Variants in GPC5 observed in about 807,000 individuals in gnomAD.
GPC5 encodes glypican 5, also known as glypican-5.
GPC5 carries 47 observed loss-of-function variants against 53.9 expected under a neutral mutation model. That is an observed-to-expected ratio of 0.87 (90% CI 0.69 to 1.11). GPC5 has a LOEUF of 1.11. Among genes scored for constraint, GPC5 ranks in the 50% most tolerant of loss-of-function variants. The pLI is 0.00. For missense variants in GPC5, 748 were observed against 713.1 expected (o/e 1.05, Z -0.56); for synonymous variants, 286 against 263.3 (o/e 1.09, Z -0.84).
chr13:91,484,704 G>A (rs931699918), intron 2 of GPC5, among the ~76,000 whole-genome samples: 1 of 152,156 alleles, frequency 6.6e-6, no homozygotes, highest in African/African-American at 2.4e-5. Context: ...TTGTTGGAAA[G>A]TTTATAACTT....
chr13:92,572,878 A>G (rs548121032), intron 7 of GPC5, among the ~76,000 whole-genome samples: 1 of 152,334 alleles, frequency 6.6e-6, no homozygotes, highest in Admixed American at 6.5e-5. Context: ...AAAACAAAAA[A>G]CAAAATGGTA....
chr13:91,399,349 G>A lies in GPC5; in HGVS notation c.163+140G>A. The A allele has an allele frequency of 2.9e-6, 3 of 1,025,590 alleles. No individual in the cohort carries two copies. In the South Asian group the frequency reaches 5.0e-5, roughly 17 times the overall value. The allele number at this position is 1,025,590 out of a possible 1,614,324, so 63.5% of individuals were successfully genotyped here. A position where few individuals can be genotyped will look rare whatever the true frequency, so the allele number is the denominator to read the frequency against. On this transcript the variant is annotated intron_variant, in intron 1 of 7. Transcript: ENST00000377067. ...CAGGGTGAATCCCGGGGAGGCTTCC[G>A]GGGATGCTTGGTGCGGGTAGCCTGA...
At chr13:91,857,199 C>T (rs2038976396) in intron 5 of GPC5, among the ~76,000 whole-genome samples, 1 of 151,320 alleles carries the variant, frequency 6.6e-6, no homozygotes, top group African/African-American at 2.4e-5. Context: ...CATGCTTCAT[C>T]ATGATTTTTA....
intron 5 of GPC5, among the ~76,000 whole-genome samples, chr13:91,883,596 C>T (rs183819101): frequency 6.6e-6 from 1 of 152,192 alleles, no homozygotes; most frequent in Admixed American, 6.5e-5. Flanking sequence ...TGGACTTATT[C>T]TTAGAACAGC....
chr13:92,531,506 GA>G (rs1881562925), intron 7 of GPC5, among the ~76,000 whole-genome samples: 1 of 151,668 alleles, frequency 6.6e-6, no homozygotes, highest in Non-Finnish European at 1.5e-5. Flanking sequence ...TGTTTATACA[GA>G]TATATATGTA....
At chr13:91,643,044 T>C (rs768466646) in intron 2 of GPC5, among the ~76,000 whole-genome samples, 2 of 152,118 alleles carry the variant, frequency 1.3e-5, no homozygotes, top group Non-Finnish European at 2.9e-5. Context: ...CTCCACTTCT[T>C]ATGGTGTTCG....
chr13:92,254,282 T>G (rs998859812), intron 7 of GPC5, among the ~76,000 whole-genome samples: 1 of 152,144 alleles, frequency 6.6e-6, no homozygotes, highest in East Asian at 1.9e-4. Flanking sequence ...GCACTGACAT[T>G]TAAATAATTA....
intron 7 of GPC5, among the ~76,000 whole-genome samples, chr13:92,146,454 T>TG (rs1366989757): frequency 1.3e-5 from 2 of 152,090 alleles, no homozygotes; most frequent in East Asian, 3.9e-4. Flanking sequence ...TAGTTTTCTG[T>TG]GAAAAAAATA....
At chr13:92,177,096 G>A (rs542293090) in intron 7 of GPC5, among the ~76,000 whole-genome samples, 84 of 152,112 alleles carry the variant, frequency 5.5e-4, no homozygotes, top group Admixed American at 3.9e-3. Context: ...TTGGATACCC[G>A]TTGTTGTCAC....
intron 2 of GPC5, among the ~76,000 whole-genome samples, chr13:91,504,834 G>T (rs1048168503): frequency 2.6e-5 from 4 of 152,048 alleles, no homozygotes; most frequent in African/African-American, 9.7e-5. Flanking sequence ...TGCACCTGTA[G>T]TCCCAACTAC....
At chr13:91,683,672 A>C (rs1018028700) in intron 2 of GPC5, among the ~76,000 whole-genome samples, 6 of 152,046 alleles carry the variant, frequency 3.9e-5, no homozygotes, top group Non-Finnish European at 8.8e-5. Flanking sequence ...ACATCCACTT[A>C]TTTATCCAAT....
At chr13:92,641,106 G>A (rs981396358) in intron 7 of GPC5, among the ~76,000 whole-genome samples, 2 of 152,148 alleles carry the variant, frequency 1.3e-5, no homozygotes, top group Non-Finnish European at 2.9e-5. Flanking sequence ...CTGCTTGCAT[G>A]TTCTCAAAGT....
At chr13:92,654,050 A>C (rs1054369869) in intron 7 of GPC5, among the ~76,000 whole-genome samples, 1 of 152,238 alleles carries the variant, frequency 6.6e-6, no homozygotes. Flanking sequence ...GCACAGAGTC[A>C]GTACTAAATA....
At chr13:91,718,235 G>C (rs1363907876) in intron 3 of GPC5, among the ~76,000 whole-genome samples, 2 of 151,888 alleles carry the variant, frequency 1.3e-5, no homozygotes, top group East Asian at 3.9e-4. Context: ...CTCAGCCTCT[G>C]GAGTAGCTGG....
intron 7 of GPC5, among the ~76,000 whole-genome samples, chr13:92,355,674 C>T (rs972082557): frequency 2.0e-5 from 3 of 152,186 alleles, no homozygotes; most frequent in Admixed American, 2.0e-4. Flanking sequence ...ATTCAACATG[C>T]TGACTTCTTT....
At chr13:92,019,848 T>C (rs2040742086) in intron 6 of GPC5, among the ~76,000 whole-genome samples, 1 of 152,140 alleles carries the variant, frequency 6.6e-6, no homozygotes, top group Admixed American at 6.5e-5. Context: ...ATTTTGCTAC[T>C]TTGAATAATT....
rs2043762107 is a variant in GPC5 at position 92,382,960 on chromosome 13, G to A, written c.1561+237971G>A. Among the ~76,000 whole-genome samples the A allele has an allele frequency of 2.2e-5, 3 of 138,512 alleles. No homozygotes were observed. In the Admixed American group the frequency reaches 2.4e-4, roughly 11 times the overall value. 90.9% of individuals were successfully genotyped at this position (138,512 alleles called of 152,430 possible). On this transcript the variant is annotated intron_variant, in intron 7 of 7. Transcript: ENST00000377067. ...GGAGCTTGCAGTGAGCCGAGATCGT[G>A]CCACTGCACTCCAGCCTGGGCTACA...
intron 6 of GPC5, among the ~76,000 whole-genome samples, chr13:92,119,464 T>A (rs916601324): frequency 1.4e-5 from 2 of 138,418 alleles, no homozygotes; most frequent in Admixed American, 1.6e-4. Flanking sequence ...AGTGGCGCGA[T>A]CTCGGCTCAC....
chr13:92,570,661 T>C (rs1882995355), intron 7 of GPC5, among the ~76,000 whole-genome samples: 1 of 152,098 alleles, frequency 6.6e-6, no homozygotes, highest in South Asian at 2.1e-4. Context: ...TAAAAAATGG[T>C]GAGATCAAGT....
Sources: allele counts gnomAD v4.1 joint callset (sites outside exome capture counted in the v4.1 genomes callset), GRCh38; gene constraint gnomAD v4.1.1; transcripts MANE v1.5; gene names NCBI Gene and HGNC (gene_info 2026-07-23, HGNC 2026-07-21).